The following SP3 variants were observed in gnomAD, a reference collection of about 807,000 sequenced individuals.
The protein encoded by SP3 is transcription factor Sp3.
In SP3, 10 loss-of-function variants were observed where a neutral mutation model predicts 70.3. The observed-to-expected ratio is 0.14, with a 90% CI of 0.09 to 0.24. The LOEUF (loss-of-function observed/expected upper bound fraction) is 0.24. Ranked by LOEUF, SP3 falls within the 10% of genes least tolerant of loss-of-function variation. The pLI is 1.00. For missense variants in SP3, 825 were observed against 914.6 expected (o/e 0.90, Z 1.26); for synonymous variants, 402 against 333.5 (o/e 1.21, Z -2.24).
intron 4 of SP3, among the ~76,000 whole-genome samples, chr2:173,936,483 C>T (rs990032064): frequency 5.3e-5 from 8 of 152,190 alleles, no homozygotes; most frequent in African/African-American, 1.9e-4. Flanking sequence ...GTATTCAGTG[C>T]TTTTCATTCT....
Position 173,934,197 on chromosome 2 carries a change from A to G in SP3, c.1640-15412T>C, listed in dbSNP as rs551943973. ...TGAGGCTGCAGTGAGCTATAATCAT[A>G]CCCCTGTAATCCAGTCTGAGTGAGA... On this transcript the variant is annotated intron_variant, in intron 4 of 6. Coordinates refer to ENST00000310015, the MANE Select transcript of SP3 (RefSeq NM_003111.5). Among the ~76,000 whole-genome samples the G allele has an allele frequency of 8.6e-5, 13 of 151,976 alleles. No homozygotes were observed. The South Asian group carries it at 2.3e-3, about 27-fold the overall frequency.
chr2:173,935,967 T>C (rs1690198681), intron 4 of SP3, among the ~76,000 whole-genome samples: 1 of 150,762 alleles, frequency 6.6e-6, no homozygotes, highest in Non-Finnish European at 1.5e-5. Context: ...ATGTCTGGCA[T>C]TCTTCCTTCC....
chr2:173,927,276 CTTTTTT>C (rs34409340), intron 4 of SP3, among the ~76,000 whole-genome samples: 1 of 142,178 alleles, frequency 7.0e-6, no homozygotes. Context: ...AACTATATAT[CTTTTTT>C]TTTTTTTTTT....
chr2:173,956,076 A>C lies in SP3; in HGVS notation c.436T>G (p.Leu146Val). ...ACGGAAAATATTTGTTGATTCTGCA[A>C]ATTCTGAAGGGGAAGAACATACTGC... is the stretch of plus-strand genomic sequence containing the variant. ...SGQYVLPLQN[L>V]QNQQIFSVAP... Residue 146 changes from leucine to valine, a missense_variant, in exon 4 of 7, where the codon TTG becomes GTG. By Grantham distance (32) the Leu-to-Val change is conservative. Around this residue, in one of 4 missense-constraint regions of SP3, gnomAD observed 678 missense variants for 651.6 expected, o/e 1.04. Coordinates refer to ENST00000310015, the MANE Select transcript of SP3 (RefSeq NM_003111.5). The C allele has an allele frequency of 6.2e-7, 1 of 1,614,174 alleles. No homozygotes were observed. The highest frequency in any genetic ancestry group is 8.5e-7 in the Non-Finnish European group (1 of 1,180,016).
intron 4 of SP3, among the ~76,000 whole-genome samples, chr2:173,930,547 T>C (rs1288496559): frequency 6.6e-6 from 1 of 152,242 alleles, no homozygotes; most frequent in East Asian, 1.9e-4. Context: ...TTATAACACC[T>C]TGTCAAATGA....
At chr2:173,964,044 C>T (rs1476883090) in intron 2 of SP3, 161 bp from the exon 3 acceptor site, 7 of 384,096 alleles carry the variant, frequency 1.8e-5, no homozygotes, top group Non-Finnish European at 3.2e-5. Flanking sequence ...CCTCCTGGTC[C>T]CGCCGCCAGC....
chr2:173,933,120 G>C (rs1271445097), intron 4 of SP3, among the ~76,000 whole-genome samples: 5 of 152,078 alleles, frequency 3.3e-5, no homozygotes, highest in Non-Finnish European at 5.9e-5. Context: ...TCAAATGCGA[G>C]GTTGCCACAT....
intron 4 of SP3, among the ~76,000 whole-genome samples, chr2:173,938,874 G>C (rs528356755): frequency 1.3e-5 from 2 of 152,276 alleles, no homozygotes; most frequent in South Asian, 4.1e-4. Context: ...CTAACCCAAT[G>C]ATTCTTAAGG....
At chr2:173,933,638 T>TATATATATATATA (rs71405167) in intron 4 of SP3, among the ~76,000 whole-genome samples, 1 of 86,566 alleles carries the variant, frequency 1.2e-5, no homozygotes, top group African/African-American at 4.2e-5. Context: ...TTATAAAACT[T>TATATATATATATA]TATATATATA....
chr2:173,942,411 C>T (rs964124582), intron 4 of SP3, among the ~76,000 whole-genome samples: 7 of 152,130 alleles, frequency 4.6e-5, no homozygotes, highest in African/African-American at 1.7e-4. Flanking sequence ...ATGAAAAATA[C>T]AAAAATTAGC....
At chr2:173,927,981 C>G (rs1689964654) in intron 4 of SP3, among the ~76,000 whole-genome samples, 1 of 152,116 alleles carries the variant, frequency 6.6e-6, no homozygotes, top group African/African-American at 2.4e-5. Context: ...TAAAAACATT[C>G]ATAATTATAG....
At chr2:173,964,576 TG>T in intron 1 of SP3, 23 bp from the exon 2 acceptor site, 1 of 186,254 alleles carries the variant, frequency 5.4e-6, no homozygotes, top group South Asian at 4.0e-5. Context: ...CGCGGGGGGG[TG>T]GGGGTGGGGA....
Position 173,913,246 on chromosome 2 carries a change from T to C in SP3, c.1853A>G (p.Lys618Arg). The change falls in exon 6 of 7, where the codon AAG (lysine) becomes AGG (arginine). Residue 618 changes from lysine to arginine, a missense_variant. Lys to Arg is a conservative substitution (Grantham distance 26). Coordinates refer to ENST00000310015, the MANE Select transcript of SP3 (RefSeq NM_003111.5). ...TGGTATATGACAAATGTGTTGCTTC[T>C]TTTTCCCAAGATTGGTACCTCTAAA... ...GGGRGTNLGK[K>R]KQHICHIPGC... The C allele has an allele frequency of 6.3e-7, 1 of 1,595,704 alleles. No individual in the cohort carries two copies. Among genetic ancestry groups the C allele is most frequent in the Non-Finnish European group, 8.5e-7 (1 of 1,169,612 alleles).
intron 4 of SP3, among the ~76,000 whole-genome samples, chr2:173,920,211 GTTGGAAAAGGC>G (rs1206084103): frequency 1.3e-5 from 2 of 151,942 alleles, no homozygotes; most frequent in African/African-American, 4.8e-5. Context: ...CATATGACAC[GTTGGAAAAGGC>G]AAAACTATGA....
At chr2:173,946,254 T>C (rs1035100657) in intron 4 of SP3, among the ~76,000 whole-genome samples, 1 of 152,192 alleles carries the variant, frequency 6.6e-6, no homozygotes, top group African/African-American at 2.4e-5. Flanking sequence ...GGAAGGTTCA[T>C]TATATATTGT....
In SP3 at chr2:173,901,154, T is replaced by C. The variant is rs573821053; in HGVS notation, c.*8787A>G. Among the ~76,000 whole-genome samples the C allele has an allele frequency of 2.6e-5, 4 of 151,612 alleles. No homozygotes were observed. The South Asian group carries it at 8.3e-4, about 32-fold the overall frequency. On this transcript the variant is annotated 3_prime_UTR_variant, in exon 7 of 7. Coordinates refer to ENST00000310015, the MANE Select transcript of SP3 (RefSeq NM_003111.5). ...ATTATCCATATGGAAAATAATGGAC[T>C]TTATGCCATAAACAAAAGTAATTTC...
chr2:173,905,725 G>A lies in SP3; in HGVS notation c.*4216C>T, dbSNP rs1185155984. Reference sequence around the variant, plus strand: ...CTTTAGACTCCAGATTTGGCCAAGCGTGGTGGCTCACGCCTATAATCCCAA... The same window carrying A: ...CTTTAGACTCCAGATTTGGCCAAGCATGGTGGCTCACGCCTATAATCCCAA... On this transcript the variant is annotated 3_prime_UTR_variant, in exon 7 of 7. Coordinates refer to ENST00000310015, the MANE Select transcript of SP3 (RefSeq NM_003111.5). Among the ~76,000 whole-genome samples the A allele has an allele frequency of 2.0e-5, 3 of 151,962 alleles. No homozygotes were observed. Among genetic ancestry groups the A allele is most frequent in the Non-Finnish European group, 2.9e-5 (2 of 68,008 alleles).
intron 3 of SP3, among the ~76,000 whole-genome samples, chr2:173,959,640 G>A (rs1413922613): frequency 2.0e-5 from 3 of 152,180 alleles, no homozygotes; most frequent in African/African-American, 7.2e-5. Context: ...TGTAGTCCCA[G>A]CTACTCTGGG....
chr2:173,951,190 C>T lies in SP3; in HGVS notation c.1639+3683G>A, dbSNP rs1000864424. Among the ~76,000 whole-genome samples, 8 of 152,294 alleles carry T rather than the reference C, an allele frequency of 5.3e-5. No homozygotes were observed. In the East Asian group the frequency reaches 1.2e-3, roughly 22 times the overall value. On this transcript the variant is annotated intron_variant, in intron 4 of 6. Coordinates refer to ENST00000310015, the MANE Select transcript of SP3 (RefSeq NM_003111.5). ...GATTTATTTTCTAACACCTATAGAA[C>T]GCTGTAACATTAATTTTGTACACAC...
Sources: allele counts gnomAD v4.1 joint callset (sites outside exome capture counted in the v4.1 genomes callset), GRCh38; gene constraint gnomAD v4.1.1; regional missense constraint gnomAD v4.1.1; transcripts MANE v1.5; gene names NCBI Gene and HGNC (gene_info 2026-07-23, HGNC 2026-07-21).